CES2: variants seen among roughly 807,000 people sequenced by gnomAD.
CES2 encodes the protein cocaine esterase.
CES2 carries 42 observed loss-of-function variants against 52.1 expected under a neutral mutation model. That is an observed-to-expected ratio of 0.81 (90% CI 0.63 to 1.04). The LOEUF (loss-of-function observed/expected upper bound fraction) is 1.04, where lower values mean the gene tolerates loss of function less well. Ranked by LOEUF, CES2 falls within the 50% of genes least tolerant of loss-of-function variation. CES2 has a pLI of 0.00. For synonymous variants in CES2, 277 were observed against 289.6 expected (o/e 0.96, Z 0.44); for missense variants, 656 against 724.3 (o/e 0.91, Z 1.08).
chr16:66,934,882 A>G (rs1467392553), upstream of CES2: 1 of 160,270 alleles, frequency 6.2e-6, no homozygotes, highest in African/African-American at 2.4e-5. This position sits in a 1 kb window ranked among gnomAD's most constrained non-coding sequence, Gnocchi z 4.1. Context: ...TGTCAAGTGG[A>G]TAAATGACCA....
rs1963412881 is a variant in CES2, at chr16:66,943,510, A to G, written c.1493+139A>G. On this transcript the variant is annotated intron_variant, in intron 11 of 11. Transcript: ENST00000317091. This position sits in a 1 kb window ranked among gnomAD's most constrained non-coding sequence, Gnocchi z 4.2. ...GGCCCCTTCCCCAGCTCCGGGACCC[A>G]CTCAGACAGGGTGGGGGTGCGTGGG... 9 of 871,842 alleles carry G rather than the reference A, an allele frequency of 1.0e-5. No homozygotes were observed. Among genetic ancestry groups the G allele is most frequent in the Middle Eastern group, 3.4e-4 (1 of 2,954 alleles). The allele number at this position is 871,842 out of a possible 1,614,324, so 54.0% of individuals were successfully genotyped here.
At chr16:66,935,833 G>A (rs765508888) in intron 1 of CES2, 122 bp downstream of exon 1, 1 of 1,564,170 alleles carries the variant, frequency 6.4e-7, no homozygotes, top group African/African-American at 1.3e-5. Context: ...AGATGACAGC[G>A]TGGAACTCGT....
At position 66,938,242 on chromosome 16, in the gene CES2, G is replaced by A. The variant is rs929855226; in HGVS notation, c.281+1G>A. ...GGGATGGAACCACCCATCCGGCCAT[G>A]TAAGCTCTCCAAGGGGTCCAGGGAA... On this transcript the variant is annotated splice_donor_variant, in intron 2 of 11. Transcript: ENST00000317091. LOFTEE classifies it high-confidence loss of function. 6.2e-7 allele frequency: 1 copy of A among 1,611,998 alleles called. No individual in the cohort carries two copies.
Position 66,941,820 on chromosome 16 carries a change from C to T in CES2, c.1109C>T (p.Ala370Val). ...QKEMDREASQ[A>V]ALQKMLTLLM... ...GAAATGGACAGAGAGGCCTCCCAGG[C>T]TGCTCTGCAGAAAATGTTAACGCTG... The change falls in exon 8 of 12, where the codon GCT becomes GTT. Residue 370 changes from alanine to valine, a missense_variant. Physicochemically the swap from Ala to Val is moderately conservative, Grantham distance 64 (BLOSUM62 0). Coordinates refer to ENST00000317091, the MANE Select transcript of CES2 (RefSeq NM_001365405.1). The T allele has an allele frequency of 6.2e-7, 1 of 1,614,166 alleles. No homozygotes were observed. The highest frequency in any genetic ancestry group is 1.1e-5 in the South Asian group (1 of 91,084).
At chr16:66,936,113 G>C in intron 1 of CES2, 1 of 823,312 alleles carries the variant, frequency 1.2e-6, no homozygotes, top group Non-Finnish European at 1.6e-6. Flanking sequence ...CTGGCTCTCA[G>C]TGTGTGGCGT....
At position 66,942,153 on chromosome 16, in the gene CES2, G is replaced by A; in HGVS notation, c.1186G>A (p.Asp396Asn). 6.2e-7 allele frequency: 1 copy of A among 1,613,656 alleles called. No individual in the cohort carries two copies. The highest frequency in any genetic ancestry group is 8.5e-7 in the Non-Finnish European group (1 of 1,179,662). ...GDLLREEYIG[D>N]NGDPQTLQAQ... ...CCTGCTGAGGGAGGAGTACATTGGG[G>A]ACAATGGGGATCCCCAGACCCTCCA... Residue 396 changes from aspartate to asparagine, a missense_variant, in exon 9 of 12, where the codon GAC becomes AAC. By Grantham distance (23) the Asp-to-Asn change is conservative (BLOSUM62 1). Transcript: ENST00000317091.
In CES2 at chr16:66,943,578, G is replaced by A. The variant is rs1398701890; in HGVS notation, c.1493+207G>A. The A allele has an allele frequency of 1.6e-6, 1 of 609,346 alleles. No homozygotes were observed. Among genetic ancestry groups the A allele is most frequent in the Non-Finnish European group, 2.9e-6 (1 of 349,792 alleles). The allele number at this position is 609,346 out of a possible 1,614,324, so 37.7% of individuals were successfully genotyped here. Reference sequence around the variant, plus strand: ...TCTCTCCAGTCTACCTGGAGGGTGGGCGCCAGTGCTGTGCCACCGTCAGGG... The same window carrying A: ...TCTCTCCAGTCTACCTGGAGGGTGGACGCCAGTGCTGTGCCACCGTCAGGG... On this transcript the variant is annotated intron_variant, in intron 11 of 11. Transcript: ENST00000317091. The surrounding 1 kb of genome is among the most constrained non-coding windows in gnomAD (Gnocchi z 4.2).
intron 8 of CES2, 70 bp downstream of exon 8, chr16:66,941,918 C>T: frequency 6.3e-7 from 1 of 1,599,588 alleles, no homozygotes; most frequent in East Asian, 2.2e-5. Flanking sequence ...GGAAATTCAA[C>T]CCCCAGATAC....
chr16:66,941,879 G>A (rs1963374755), intron 8 of CES2, 31 bp downstream of exon 8: 1 of 1,613,696 alleles, frequency 6.2e-7, no homozygotes, highest in Non-Finnish European at 8.5e-7. Context: ...CGCCAATGGA[G>A]ACGGGCTCCT....
Position 66,943,622 on chromosome 16 carries a change from G to A in CES2, c.1494-217G>A. The stretch of plus-strand genomic sequence containing the variant: ...GTCAGGGCCTCCCTCTCAGAGAGAG[G>A]GACACAACAGAGCTGGCTGCCCTCC... On this transcript the variant is annotated intron_variant, in intron 11 of 11. Transcript: ENST00000317091. This position sits in a 1 kb window ranked among gnomAD's most constrained non-coding sequence, Gnocchi z 4.2. 1.7e-6 allele frequency: 1 copy of A among 583,008 alleles called. No homozygotes were observed. The highest frequency in any genetic ancestry group is 2.9e-5 in the East Asian group (1 of 35,016). 36.1% of individuals were successfully genotyped at this position (583,008 alleles called of 1,614,324 possible).
At position 66,936,068 on chromosome 16, in the gene CES2, C is replaced by A. The variant is rs532806533; in HGVS notation, c.76+357C>A. 2.6e-6 allele frequency: 3 copies of A among 1,145,884 alleles called. No individual in the cohort carries two copies. In the Admixed American group the frequency reaches 1.1e-4, roughly 41 times the overall value. The allele number at this position is 1,145,884 out of a possible 1,614,324, so 71.0% of individuals were successfully genotyped here. On this transcript the variant is annotated intron_variant, in intron 1 of 11. Coordinates refer to ENST00000317091, the MANE Select transcript of CES2 (RefSeq NM_001365405.1). ...TGATTGTGGCTGTAGCGGGTGCTGC[C>A]GGCCGGTAATAACAGTAATAGCTTC...
intron 2 of CES2, among the ~76,000 whole-genome samples, chr16:66,938,822 T>G (rs560448630): frequency 6.6e-6 from 1 of 152,310 alleles, no homozygotes; most frequent in East Asian, 1.9e-4. Context: ...ACTGCCCTTC[T>G]CATGAGAAAT....
chr16:66,941,343 C>G, intron 6 of CES2, 121 bp downstream of exon 6: 1 of 1,523,564 alleles, frequency 6.6e-7, no homozygotes, highest in South Asian at 1.3e-5. Context: ...GTGTCATAGC[C>G]CTGGGTCGGG....
Position 66,944,451 on chromosome 16 carries a change from A to C in CES2, c.*426A>C, listed in dbSNP as rs978055850. 1 of 152,976 alleles carries C rather than the reference A, an allele frequency of 6.5e-6. No homozygotes were observed. Among genetic ancestry groups the C allele is most frequent in the East Asian group, 1.9e-4 (1 of 5,224 alleles). 9.5% of individuals were successfully genotyped at this position (152,976 alleles called of 1,614,324 possible). ...AAAAATATGAGAAAAATAAAAATAA[A>C]AAGAGAATAATAGGCCAGGCACTGT... On this transcript the variant is annotated 3_prime_UTR_variant, in exon 12 of 12. Transcript: ENST00000317091.
At chr16:66,942,295 G>C (rs1031426297) in intron 9 of CES2, 46 bp downstream of exon 9, 2 of 1,560,842 alleles carry the variant, frequency 1.3e-6, no homozygotes, top group Non-Finnish European at 8.7e-7. Flanking sequence ...TACAGCTCAG[G>C]GCTGTGGGTC....
In CES2 at chr16:66,943,177, G is replaced by A. The variant is rs781716621; in HGVS notation, c.1421-122G>A. On this transcript the variant is annotated intron_variant, in intron 10 of 11. Coordinates refer to ENST00000317091, the MANE Select transcript of CES2 (RefSeq NM_001365405.1). The surrounding 1 kb of genome is among the most constrained non-coding windows in gnomAD (Gnocchi z 4.2). ...AGGGGAGGGCTGGCTTCTGAGGGCA[G>A]TGGAAGAAAAAGCGGAGAAGCAGGA... 13 of 1,001,470 alleles carry A rather than the reference G, an allele frequency of 1.3e-5. No individual in the cohort carries two copies. Among genetic ancestry groups the A allele is most frequent in the Non-Finnish European group, 1.8e-5 (12 of 669,666 alleles). 62.0% of individuals were successfully genotyped at this position (1,001,470 alleles called of 1,614,324 possible).
chr16:66,938,391 A>C, intron 2 of CES2, 150 bp downstream of exon 2: 2 of 638,878 alleles, frequency 3.1e-6, no homozygotes, highest in South Asian at 1.8e-5. Flanking sequence ...GCATTTTTCC[A>C]ATGAGCATGC....
intron 1 of CES2, among the ~76,000 whole-genome samples, chr16:66,937,244 G>A (rs1963236258): frequency 6.6e-6 from 1 of 152,132 alleles, no homozygotes; most frequent in African/African-American, 2.4e-5. Flanking sequence ...ACAAGCCATA[G>A]GAGGGTACAG....
At position 66,935,573 on chromosome 16, in the gene CES2, G is replaced by A. The variant is rs1480946410; in HGVS notation, c.-63G>A. 4 of 1,613,660 alleles carry A rather than the reference G, an allele frequency of 2.5e-6. No homozygotes were observed. The highest frequency in any genetic ancestry group is 1.1e-5 in the South Asian group (1 of 91,086). ...ACTGATCCACTGCTGGACAGACCCG[G>A]GGCAGCCTCTGGGTGAACAGCAGCG... On this transcript the variant is annotated 5_prime_UTR_variant, in exon 1 of 12. Transcript: ENST00000317091.
Sources: allele counts gnomAD v4.1 joint callset (sites outside exome capture counted in the v4.1 genomes callset), GRCh38; gene constraint gnomAD v4.1.1; non-coding constraint Gnocchi (gnomAD v3.1); transcripts MANE v1.5; gene names NCBI Gene and HGNC (gene_info 2026-07-23, HGNC 2026-07-21).